The following FHAD1 variants were observed in gnomAD, a reference collection of about 807,000 sequenced individuals.
FHAD1 encodes the protein forkhead-associated domain-containing protein 1.
FHAD1 carries 146 observed loss-of-function variants against 191.3 expected under a neutral mutation model. The observed-to-expected ratio is 0.76, with a 90% confidence interval of 0.67 to 0.88. The LOEUF is 0.88. Ranked by LOEUF, FHAD1 falls within the 40% of genes least tolerant of loss-of-function variation. The probability of loss-of-function intolerance (pLI) is 0.00; values close to 1 mark genes in which losing one functional copy is unlikely to be tolerated. For missense variants in FHAD1, 1,635 were observed against 1,785.8 expected, an observed-to-expected ratio of 0.92 and a Z score of 1.52; for synonymous variants, 616 against 672.3, an observed-to-expected ratio of 0.92 and a Z score of 1.29.
intron 8 of FHAD1, 79 bp downstream of exon 8, chr1:15,313,266 C>A: frequency 7.8e-7 from 1 of 1,286,226 alleles, no homozygotes; most frequent in South Asian, 1.3e-5. Flanking sequence ...ATGCTTGTTT[C>A]ATTCACCCTG....
rs879718133 is a variant in FHAD1 at position 15,302,411 on chromosome 1, C to CT, written c.915+981dup. On this transcript the variant is annotated intron_variant, in intron 6 of 33. Transcript: ENST00000688493. ...TTTCTCTTGAAACTTGATTCAAATT[C>CT]TTTTTTTTTTTACTTTAAGATTGGT... Among the ~76,000 whole-genome samples the CT allele has an allele frequency of 7.1e-3, 1,057 of 148,006 alleles. 16 individuals are homozygous for CT. The highest frequency in any genetic ancestry group is 0.023 in the African/African-American group (949 of 40,560).
chr1:15,351,843 G>A (rs1691005743), intron 19 of FHAD1, among the ~76,000 whole-genome samples: 1 of 132,206 alleles, frequency 7.6e-6, no homozygotes, highest in African/African-American at 2.7e-5. Flanking sequence ...GTGCCTGGGA[G>A]TTGGATGTGC....
At position 15,339,562 on chromosome 1, in the gene FHAD1, T is replaced by C. The variant is rs1558157681; in HGVS notation, c.1977+11T>C. 3 of 1,256,804 alleles carry C rather than the reference T, an allele frequency of 2.4e-6. No homozygotes were observed. The highest frequency in any genetic ancestry group is 2.1e-6 in the Non-Finnish European group (2 of 955,290). 77.9% of individuals were successfully genotyped at this position (1,256,804 alleles called of 1,614,324 possible). A position where few individuals can be genotyped will look rare whatever the true frequency, so the allele number is the denominator to read the frequency against. ...GCCCAGGAACTTCAGGTAATTCTTT[T>C]AATTTCTTTTTTTCCAAAGTTCATT... On this transcript the variant is annotated intron_variant, in intron 15 of 33. Transcript: ENST00000688493.
intron 3 of FHAD1, among the ~76,000 whole-genome samples, chr1:15,284,345 G>T (rs1661619669): frequency 6.6e-6 from 1 of 152,128 alleles, no homozygotes. Context: ...CGGGCATGGT[G>T]GTGGGCGCCT....
chr1:15,335,871 C>T (rs1261741518), intron 14 of FHAD1, among the ~76,000 whole-genome samples: 1 of 152,152 alleles, frequency 6.6e-6, no homozygotes, highest in Non-Finnish European at 1.5e-5. Context: ...GCTACCTCTC[C>T]CCTTAGTCCT....
intron 2 of FHAD1, among the ~76,000 whole-genome samples, chr1:15,271,140 GAAAAA>G (rs543401814): frequency 2.6e-5 from 2 of 76,682 alleles, no homozygotes; most frequent in Admixed American, 1.6e-4. Context: ...CTCCATCTCG[GAAAAA>G]AAAAAAAAAA....
chr1:15,296,850 A>G, intron 5 of FHAD1, 57 bp downstream of exon 5: 1 of 1,385,062 alleles, frequency 7.2e-7, no homozygotes, highest in Non-Finnish European at 9.9e-7. Flanking sequence ...CTGCAAAGGG[A>G]CTTGCCGATG....
chr1:15,391,201 G>A lies in FHAD1; in HGVS notation c.4270-9G>A. The A allele has an allele frequency of 7.8e-7, 1 of 1,280,378 alleles. No homozygotes were observed. The highest frequency in any genetic ancestry group is 1.0e-6 in the Non-Finnish European group (1 of 982,968). 79.3% of individuals were successfully genotyped at this position (1,280,378 alleles called of 1,614,324 possible). A position where few individuals can be genotyped will look rare whatever the true frequency, so the allele number is the denominator to read the frequency against. On this transcript the variant is annotated splice_polypyrimidine_tract_variant and intron_variant, in intron 32 of 33. Coordinates refer to ENST00000688493, the MANE Select transcript of FHAD1 (RefSeq NM_001391957.1). ...GCTAGATTTTGTTCTTATTCTTTCT[G>A]TATTGAAGAGACGAGTATTTGTAGA... is the stretch of plus-strand genomic sequence containing the variant.
intron 3 of FHAD1, among the ~76,000 whole-genome samples, chr1:15,275,770 T>C (rs1658127997): frequency 6.6e-6 from 1 of 152,210 alleles, no homozygotes; most frequent in South Asian, 2.1e-4. Flanking sequence ...CTGTCTTGAT[T>C]CCAGCATGCT....
At chr1:15,395,377 C>T (rs1705595171) in intron 33 of FHAD1, among the ~76,000 whole-genome samples, 2 of 151,878 alleles carry the variant, frequency 1.3e-5, no homozygotes, top group South Asian at 4.2e-4. Flanking sequence ...CTCGTGCATG[C>T]ATGCACTCGG....
In FHAD1 at chr1:15,312,939, G is replaced by A; in HGVS notation, c.1040-118G>A. 1.6e-6 allele frequency: 2 copies of A among 1,287,838 alleles called. No individual in the cohort carries two copies. Among genetic ancestry groups the A allele is most frequent in the East Asian group, 2.5e-5 (1 of 39,352 alleles). 79.8% of individuals were successfully genotyped at this position (1,287,838 alleles called of 1,614,324 possible). A position where few individuals can be genotyped will look rare whatever the true frequency, so the allele number is the denominator to read the frequency against. On this transcript the variant is annotated intron_variant, in intron 7 of 33. Coordinates refer to ENST00000688493, the MANE Select transcript of FHAD1 (RefSeq NM_001391957.1). This position sits in a 1 kb window ranked among gnomAD's most constrained non-coding sequence, Gnocchi z 4.7. ...GGTCTCAACCCCATTCAAGCTCCTG[G>A]GATCCTTGGAGACACCTCCCTTCTC...
At chr1:15,357,504 T>G (rs1213318129) in intron 20 of FHAD1, among the ~76,000 whole-genome samples, 1 of 151,790 alleles carries the variant, frequency 6.6e-6, no homozygotes, top group African/African-American at 2.4e-5. Flanking sequence ...GTGCCTGTAG[T>G]CCCAGCTACT....
chr1:15,347,117 C>T (rs1262984881), intron 18 of FHAD1, among the ~76,000 whole-genome samples: 2 of 152,228 alleles, frequency 1.3e-5, no homozygotes, highest in African/African-American at 4.8e-5. Flanking sequence ...CCCTTGGCGT[C>T]TCTGGCACAG....
At chr1:15,371,735 A>G (rs1170230724) in intron 26 of FHAD1, among the ~76,000 whole-genome samples, 4 of 152,230 alleles carry the variant, frequency 2.6e-5, no homozygotes, top group Admixed American at 2.0e-4. Context: ...GACCAAGGCC[A>G]GTGTAGAGCC....
chr1:15,244,844 T>C (rs1413306012), upstream of FHAD1, among the ~76,000 whole-genome samples: 1 of 152,350 alleles, frequency 6.6e-6, no homozygotes, highest in East Asian at 1.9e-4. This position sits in a 1 kb window ranked among gnomAD's most constrained non-coding sequence, Gnocchi z 5.1. Flanking sequence ...TCCATTTGTG[T>C]TGCTATCAAG....
chr1:15,367,196 CATCTGTGA>C (rs1696745379), intron 24 of FHAD1, among the ~76,000 whole-genome samples: 1 of 152,128 alleles, frequency 6.6e-6, no homozygotes, highest in South Asian at 2.1e-4. Context: ...TCAGTTTCTG[CATCTGTGA>C]AGTAAGGATG....
At chr1:15,340,286 T>C (rs1225921356) in intron 15 of FHAD1, among the ~76,000 whole-genome samples, 1 of 152,240 alleles carries the variant, frequency 6.6e-6, no homozygotes, top group Non-Finnish European at 1.5e-5. Flanking sequence ...ATAATAGTAT[T>C]ATATAATAAA....
intron 3 of FHAD1, among the ~76,000 whole-genome samples, chr1:15,278,784 GAT>G (rs2101546954): frequency 6.6e-6 from 1 of 152,224 alleles, no homozygotes; most frequent in South Asian, 2.1e-4. Flanking sequence ...AGAACTTGGA[GAT>G]ATGTGGTTCT....
In FHAD1 at chr1:15,367,489, G is replaced by A. The variant is rs1161983421; in HGVS notation, c.3181G>A (p.Glu1061Lys). 1.3e-6 allele frequency: 2 copies of A among 1,551,468 alleles called. No homozygotes were observed. The highest frequency in any genetic ancestry group is 4.9e-5 in the East Asian group (2 of 40,910). The change falls in exon 25 of 34, where the codon GAA (glutamate) becomes AAA (lysine). Residue 1061 changes from glutamate (E) to lysine (K), a missense_variant. By Grantham distance (56) the Glu-to-Lys change is moderately conservative. Coordinates refer to ENST00000688493, the MANE Select transcript of FHAD1 (RefSeq NM_001391957.1). Reference sequence around the variant, plus strand: ...GGAGCTAAACGAGAAGCAGAAGATGGAACTGGAGCAGAACGTGGTGCTGGT... The same window carrying A: ...GGAGCTAAACGAGAAGCAGAAGATGAAACTGGAGCAGAACGTGGTGCTGGT... ...RGELNEKQKM[E>K]LEQNVVLVQQ...
Sources: allele counts gnomAD v4.1 joint callset (sites outside exome capture counted in the v4.1 genomes callset), GRCh38; gene constraint gnomAD v4.1.1; non-coding constraint Gnocchi (gnomAD v3.1); transcripts MANE v1.5; gene names NCBI Gene and HGNC (gene_info 2026-07-23, HGNC 2026-07-21).